Variants in PARD3 observed in about 807,000 individuals in gnomAD.
The protein encoded by PARD3 is partitioning defective 3 homolog.
Under a neutral mutation model 155.4 loss-of-function variants are expected in PARD3, and 75 were observed. That is an observed-to-expected ratio of 0.48 (90% CI 0.40 to 0.58). PARD3 has a LOEUF of 0.58. Ranked by LOEUF, PARD3 falls within the 20% of genes least tolerant of loss-of-function variation. The pLI is 0.00. For synonymous variants in PARD3, 576 were observed against 610.5 expected (o/e 0.94, Z 0.83); for missense variants, 1,642 against 1,721.7 (o/e 0.95, Z 0.82).
chr10:34,637,002 A>C (rs2092501329), intron 2 of PARD3, among the ~76,000 whole-genome samples: 1 of 152,230 alleles, frequency 6.6e-6, no homozygotes, highest in African/African-American at 2.4e-5. Context: ...AAAGAAAGGA[A>C]CTTAAAATCA....
chr10:34,570,524 A>G (rs925779720), intron 2 of PARD3, among the ~76,000 whole-genome samples: 3 of 152,178 alleles, frequency 2.0e-5, no homozygotes, highest in East Asian at 3.9e-4. Context: ...GAGTTGCCAA[A>G]TTCAAACTGC....
rs144899221 is a variant in PARD3, at chr10:34,631,897, G to A, written c.222+64421C>T. Among the ~76,000 whole-genome samples, 37 of 152,288 alleles carry A rather than the reference G, an allele frequency of 2.4e-4. No homozygotes were observed. The East Asian group carries it at 6.0e-3, about 25-fold the overall frequency. On this transcript the variant is annotated intron_variant, in intron 2 of 24. Coordinates refer to ENST00000374788, the MANE Select transcript of PARD3 (RefSeq NM_001184785.2). ...ACAGGTGTGAGCACCATGTCCAGCCGCCGCTGAGGTCTTAATAGGTGGATG... is the reference window on the plus strand; with the variant it reads ...ACAGGTGTGAGCACCATGTCCAGCCACCGCTGAGGTCTTAATAGGTGGATG...
intron 3 of PARD3, among the ~76,000 whole-genome samples, chr10:34,515,917 T>C (rs1163582675): frequency 1.3e-5 from 2 of 152,030 alleles, no homozygotes; most frequent in Non-Finnish European, 2.9e-5. Context: ...CCAAATTTTC[T>C]ACCTGAAAAA....
chr10:34,676,470 C>G (rs1389998960), intron 2 of PARD3, among the ~76,000 whole-genome samples: 2 of 152,118 alleles, frequency 1.3e-5, no homozygotes, highest in African/African-American at 4.8e-5. Context: ...TGTCCCCATC[C>G]ACACACATCC....
intron 22 of PARD3, among the ~76,000 whole-genome samples, chr10:34,147,565 T>A (rs1403264712): frequency 2.0e-5 from 3 of 151,832 alleles, no homozygotes; most frequent in Non-Finnish European, 4.4e-5. Context: ...TATAGTAAAA[T>A]TTTCCCTTTA....
chr10:34,117,374 G>A (rs1384140873), intron 24 of PARD3, among the ~76,000 whole-genome samples: 1 of 152,178 alleles, frequency 6.6e-6, no homozygotes, highest in Admixed American at 6.5e-5. Context: ...ATGCCAGGTG[G>A]GCCAATTCGT....
chr10:34,723,253 A>G (rs10763997), intron 1 of PARD3, among the ~76,000 whole-genome samples: 42,112 of 152,114 alleles, frequency 0.28, 7,175 homozygotes, highest in Non-Finnish European at 0.38. Flanking sequence ...CTGCGGCAGG[A>G]GAACCTAGGA....
chr10:34,165,822 C>T (rs906884189), intron 22 of PARD3, among the ~76,000 whole-genome samples: 2 of 152,150 alleles, frequency 1.3e-5, no homozygotes, highest in Non-Finnish European at 2.9e-5. Flanking sequence ...TGGTATATCC[C>T]ATATCAATGG....
chr10:34,721,198 T>C (rs1230815955), intron 1 of PARD3, among the ~76,000 whole-genome samples: 3 of 152,208 alleles, frequency 2.0e-5, no homozygotes, highest in Non-Finnish European at 2.9e-5. Flanking sequence ...TAAGCAATGT[T>C]ACGCTCCTTA....
chr10:34,297,172 G>T (rs548046861), intron 20 of PARD3, among the ~76,000 whole-genome samples: 4 of 151,970 alleles, frequency 2.6e-5, no homozygotes, highest in East Asian at 1.9e-4. Flanking sequence ...GTACGGTGGC[G>T]CACGCCTGTC....
At chr10:34,164,094 C>T (rs55685728) in intron 22 of PARD3, among the ~76,000 whole-genome samples, 10,883 of 152,142 alleles carry the variant, frequency 0.072, 1,008 homozygotes, top group East Asian at 0.3. Context: ...TAGTAAATCA[C>T]TAATACAGAC....
rs187956297 is a variant in PARD3 at position 34,683,382 on chromosome 10, T to A, written c.222+12936A>T. Among the ~76,000 whole-genome samples the A allele has an allele frequency of 9.8e-4, 149 of 151,660 alleles. 1 individual carries two copies. The highest frequency in any genetic ancestry group is 2.8e-4 in the Non-Finnish European group (19 of 67,922). ...TATAACTACACATGTATCTCCTGAATCTGAAATTTAAAACAAACAAACAAA... is the reference window on the plus strand; with the variant it reads ...TATAACTACACATGTATCTCCTGAAACTGAAATTTAAAACAAACAAACAAA... On this transcript the variant is annotated intron_variant, in intron 2 of 24. Coordinates refer to ENST00000374788, the MANE Select transcript of PARD3 (RefSeq NM_001184785.2).
intron 2 of PARD3, among the ~76,000 whole-genome samples, chr10:34,606,029 CTA>C (rs1186224627): frequency 2.4e-5 from 3 of 127,344 alleles, no homozygotes; most frequent in Non-Finnish European, 3.2e-5. Context: ...TCTATATCTC[CTA>C]TATATATATA....
intron 1 of PARD3, among the ~76,000 whole-genome samples, chr10:34,776,520 CA>C (rs1442559835): frequency 6.7e-6 from 1 of 150,210 alleles, no homozygotes; most frequent in East Asian, 1.9e-4. Context: ...TGTCAGAAGA[CA>C]AATCCAGAAT....
At chr10:34,154,584 G>A (rs1196440930) in intron 22 of PARD3, among the ~76,000 whole-genome samples, 1 of 152,220 alleles carries the variant, frequency 6.6e-6, no homozygotes, top group African/African-American at 2.4e-5. Context: ...TCCAATTGCT[G>A]AATATCTAGG....
chr10:34,803,810 A>C (rs1843062890), intron 1 of PARD3, among the ~76,000 whole-genome samples: 1 of 151,846 alleles, frequency 6.6e-6, no homozygotes, highest in African/African-American at 2.4e-5. Context: ...CTCGGAAAAT[A>C]AAAAATAAAA....
At chr10:34,119,796 C>A (rs750718026) in intron 23 of PARD3, 56 bp from the exon 24 acceptor site, 2 of 1,450,088 alleles carry the variant, frequency 1.4e-6, no homozygotes, top group South Asian at 1.4e-5. Flanking sequence ...ACAGATCACA[C>A]AACTGGTTGA....
intron 9 of PARD3, among the ~76,000 whole-genome samples, 169 bp from the exon 10 acceptor site, chr10:34,378,275 T>C (rs1158182037): frequency 6.6e-6 from 1 of 152,194 alleles, no homozygotes; most frequent in Non-Finnish European, 1.5e-5. Flanking sequence ...ATAGACTAAA[T>C]TGTGGAAGGT....
At chr10:34,626,946 G>A (rs1042556640) in intron 2 of PARD3, among the ~76,000 whole-genome samples, 1 of 151,992 alleles carries the variant, frequency 6.6e-6, no homozygotes, top group African/African-American at 2.4e-5. Context: ...CGTCATCTTC[G>A]CCTGGCTATA....
Sources: allele counts gnomAD v4.1 joint callset (sites outside exome capture counted in the v4.1 genomes callset), GRCh38; gene constraint gnomAD v4.1.1; transcripts MANE v1.5; gene names NCBI Gene and HGNC (gene_info 2026-07-23, HGNC 2026-07-21).